Variants in LIMCH1 observed in about 807,000 individuals in gnomAD.
The protein encoded by LIMCH1 is LIM and calponin homology domains 1, also known as LIM and calponin homology domains-containing protein 1.
A neutral mutation model predicts 176.5 loss-of-function variants in LIMCH1; 113 were observed. That is an observed-to-expected ratio of 0.64 (90% CI 0.55 to 0.75). The LOEUF (loss-of-function observed/expected upper bound fraction) is 0.75, where lower values mean the gene tolerates loss of function less well. Ranked by LOEUF, LIMCH1 falls within the 30% of genes least tolerant of loss-of-function variation. The pLI, the probability that LIMCH1 is intolerant of heterozygous loss-of-function variation, is 0.00. For synonymous variants in LIMCH1, 619 were observed against 645.9 expected, an observed-to-expected ratio of 0.96 and a Z score of 0.63; for missense variants, 1,674 against 1,814.9, an observed-to-expected ratio of 0.92 and a Z score of 1.41.
intron 1 of LIMCH1, among the ~76,000 whole-genome samples, chr4:41,585,104 T>C (rs549658745): frequency 2.1e-4 from 32 of 152,312 alleles, no homozygotes; most frequent in African/African-American, 7.0e-4. Context: ...ACCATCACAT[T>C]GATCGGCACA....
chr4:41,670,720 T>A (rs1429238951), intron 21 of LIMCH1: 2 of 1,535,318 alleles, frequency 1.3e-6, no homozygotes, highest in Non-Finnish European at 1.7e-6. Context: ...TGATCTAGAG[T>A]CGCCTGGCAC....
At chr4:41,401,689 G>A (rs2154117771) in intron 1 of LIMCH1, among the ~76,000 whole-genome samples, 1 of 152,094 alleles carries the variant, frequency 6.6e-6, no homozygotes, top group East Asian at 1.9e-4. Flanking sequence ...CCATTTGTTT[G>A]TATCCTCTTT....
intron 23 of LIMCH1, among the ~76,000 whole-genome samples, chr4:41,678,277 G>A (rs1425175925): frequency 6.6e-6 from 1 of 151,606 alleles, no homozygotes; most frequent in Non-Finnish European, 1.5e-5. Context: ...TCCCAGGGAT[G>A]AGGTGGTAGA....
intron 7 of LIMCH1, 56 bp downstream of exon 7, chr4:41,620,746 G>A (rs1299131761): frequency 6.7e-7 from 1 of 1,483,116 alleles, no homozygotes; most frequent in Non-Finnish European, 8.9e-7. Flanking sequence ...TGGGGATTTG[G>A]AATCTGTCTA....
intron 1 of LIMCH1, among the ~76,000 whole-genome samples, chr4:41,552,928 A>G (rs2080694913): frequency 6.6e-6 from 1 of 152,156 alleles, no homozygotes; most frequent in Admixed American, 6.5e-5. Context: ...ATTTGAGGTG[A>G]GCTGTTTAAA....
intron 1 of LIMCH1, among the ~76,000 whole-genome samples, chr4:41,399,840 A>ATTTT (rs71198650): frequency 1.3e-4 from 15 of 114,118 alleles, no homozygotes; most frequent in African/African-American, 3.9e-4. Context: ...TGCCCGGCTA[A>ATTTT]TTTTTTTTTT....
intron 2 of LIMCH1, 80 bp downstream of exon 2, chr4:41,599,106 A>G (rs904383973): frequency 2.4e-6 from 2 of 822,198 alleles, no homozygotes; most frequent in African/African-American, 3.4e-5. Flanking sequence ...TGTAAGTTCT[A>G]AGAGACAGAG....
intron 1 of LIMCH1, among the ~76,000 whole-genome samples, chr4:41,480,882 A>T (rs936895972): frequency 2.0e-5 from 3 of 152,140 alleles, no homozygotes; most frequent in Admixed American, 6.5e-5. Flanking sequence ...CAGCTTAAGG[A>T]TGTGCAAACA....
At position 41,689,640 on chromosome 4, in the gene LIMCH1, G is replaced by A. The variant is rs760643115; in HGVS notation, c.4275+5G>A. The A allele has an allele frequency of 1.7e-5, 26 of 1,535,822 alleles. 1 individual carries two copies. The highest frequency in any genetic ancestry group is 5.6e-5 in the South Asian group (5 of 89,658). ...TTTCACATCCAGTGTTTCAGGGTAC[G>A]TACTTACTGCTTTGCTCTCCAGACA... On this transcript the variant is annotated splice_donor_5th_base_variant and intron_variant, in intron 30 of 31. Coordinates refer to ENST00000503057, the MANE Select transcript of LIMCH1 (RefSeq NM_001330672.2).
intron 1 of LIMCH1, among the ~76,000 whole-genome samples, chr4:41,576,269 A>AT (rs529466122): frequency 2.5e-4 from 38 of 152,134 alleles, no homozygotes; most frequent in African/African-American, 8.4e-4. Context: ...CTCAATATAC[A>AT]TTTTTTCAGA....
At chr4:41,526,557 G>T (rs757246028) in intron 3 of LIMCH1, among the ~76,000 whole-genome samples, 15 of 152,002 alleles carry the variant, frequency 9.9e-5, no homozygotes, top group Middle Eastern at 3.2e-3. Flanking sequence ...TACTTCCACG[G>T]TTCTCGCGTC....
At chr4:41,575,559 A>G (rs2084322141) in intron 1 of LIMCH1, among the ~76,000 whole-genome samples, 1 of 152,228 alleles carries the variant, frequency 6.6e-6, no homozygotes, top group African/African-American at 2.4e-5. Flanking sequence ...TTGGCATACA[A>G]ATTTATATGA....
chr4:41,637,348 C>G (rs1456031259), intron 13 of LIMCH1, among the ~76,000 whole-genome samples: 2 of 152,112 alleles, frequency 1.3e-5, no homozygotes, highest in Non-Finnish European at 2.9e-5. Flanking sequence ...ACCACCATGC[C>G]CAGCTAATTT....
At position 41,474,293 on chromosome 4, in the gene LIMCH1, C is replaced by T. The variant is rs372165326; in HGVS notation, c.97-20243C>T. Among the ~76,000 whole-genome samples the T allele has an allele frequency of 1.2e-4, 18 of 152,282 alleles. No homozygotes were observed. The East Asian group carries it at 3.3e-3, about 28-fold the overall frequency. On this transcript the variant is annotated intron_variant, in intron 1 of 26. Transcript: ENST00000313860. ...CACAAGGGCAGGAGTTCAAGACCAG[C>T]CTGGCCAATGTGGTGAAACCCTGTC...
chr4:41,548,413 G>T (rs1254042100), intron 1 of LIMCH1, among the ~76,000 whole-genome samples: 1 of 152,084 alleles, frequency 6.6e-6, no homozygotes, highest in Non-Finnish European at 1.5e-5. Flanking sequence ...ATCCAAGAGA[G>T]CCTCTTTGCC....
At chr4:41,508,087 T>G (rs922728542) in intron 2 of LIMCH1, among the ~76,000 whole-genome samples, 2 of 152,152 alleles carry the variant, frequency 1.3e-5, no homozygotes, top group African/African-American at 4.8e-5. Context: ...GCTCTGTGTC[T>G]TGGAGGAATT....
intron 1 of LIMCH1, among the ~76,000 whole-genome samples, chr4:41,419,596 TTCCTTCCG>T (rs1207217997): frequency 0.025 from 2,006 of 80,316 alleles, 77 homozygotes; most frequent in Non-Finnish European, 0.027. Flanking sequence ...CCTTCCTTCC[TTCCTTCCG>T]TCCTTCCTTC....
chr4:41,372,280 A>C (rs1397005143), intron 1 of LIMCH1, among the ~76,000 whole-genome samples: 1 of 151,988 alleles, frequency 6.6e-6, no homozygotes, highest in Non-Finnish European at 1.5e-5. Context: ...GGTAATTTTT[A>C]GTGTTCTTGT....
chr4:41,596,057 A>T (rs931578476), intron 1 of LIMCH1, among the ~76,000 whole-genome samples: 7 of 145,548 alleles, frequency 4.8e-5, no homozygotes, highest in Admixed American at 1.3e-4. Flanking sequence ...TCAAAAAAAA[A>T]AAAATAAAAA....
Sources: allele counts gnomAD v4.1 joint callset (sites outside exome capture counted in the v4.1 genomes callset), GRCh38; gene constraint gnomAD v4.1.1; transcripts MANE v1.5; gene names NCBI Gene and HGNC (gene_info 2026-07-23, HGNC 2026-07-21).